Variants in ANXA6 observed in about 807,000 individuals in gnomAD.
The protein encoded by ANXA6 is 67 kDa calelectrin.
A neutral mutation model predicts 95.4 loss-of-function variants in ANXA6; 71 were observed. That is an observed-to-expected ratio of 0.74 (90% CI 0.61 to 0.91). The LOEUF is 0.91. Ranked by LOEUF, ANXA6 falls within the 40% of genes least tolerant of loss-of-function variation. The probability of loss-of-function intolerance (pLI) is 0.00; values close to 1 mark genes in which losing one functional copy is unlikely to be tolerated. For missense variants in ANXA6, 830 were observed against 876.4 expected (o/e 0.95, Z 0.67); for synonymous variants, 289 against 315.9 (o/e 0.91, Z 0.90).
chr5:151,117,298 A>T, intron 19 of ANXA6, 118 bp from the exon 20 acceptor site: 1 of 1,009,316 alleles, frequency 9.9e-7, no homozygotes, highest in South Asian at 1.9e-5. Context: ...TCAGCTACAC[A>T]GGGACGAAAA....
chr5:151,121,933 G>A lies in ANXA6; in HGVS notation c.1347+214C>T, dbSNP rs948326607. Among the ~76,000 whole-genome samples the A allele has an allele frequency of 3.3e-5, 5 of 152,326 alleles. No homozygotes were observed. In the East Asian group the frequency reaches 9.6e-4, roughly 29 times the overall value. ...GAGCCAAGACAGGGGTGAGCCAAGG[G>A]TCCACAGAACATCATTTGAGTCTCT... On this transcript the variant is annotated intron_variant, in intron 17 of 25. Coordinates refer to ENST00000354546, the MANE Select transcript of ANXA6 (RefSeq NM_001155.5).
Position 151,139,427 on chromosome 5 carries a change from G to T in ANXA6, c.130C>A (p.Leu44Met). 6.2e-7 allele frequency: 1 copy of T among 1,613,152 alleles called. No homozygotes were observed. The highest frequency in any genetic ancestry group is 1.7e-5 in the Admixed American group (1 of 59,926). ...TTGCTCCGTGAGGTGATTATGTCCA[G>T]TATGGCCTCCTTGTCACTGCCTGGA... ...KGFGSDKEAI[L>M]DIITSRSNRQ... Residue 44 changes from leucine (L) to methionine (M), a missense_variant, in exon 4 of 26, where the codon CTG becomes ATG. Coordinates refer to ENST00000354546, the MANE Select transcript of ANXA6 (RefSeq NM_001155.5).
Position 151,103,702 on chromosome 5 carries a change from C to A in ANXA6, c.1840-10G>T, listed in dbSNP as rs778422569. ...CATCTGTGCCAGCACCCTGGTGGAGCCAGGCAGGAGGGAGACACAGGCGGA... is the reference window on the plus strand; with the variant it reads ...CATCTGTGCCAGCACCCTGGTGGAGACAGGCAGGAGGGAGACACAGGCGGA... On this transcript the variant is annotated splice_polypyrimidine_tract_variant and intron_variant, in intron 24 of 25. Coordinates refer to ENST00000354546, the MANE Select transcript of ANXA6 (RefSeq NM_001155.5). 9.3e-6 allele frequency: 15 copies of A among 1,605,122 alleles called. No individual in the cohort carries two copies. The South Asian group carries it at 1.7e-4, about 18-fold the overall frequency.
intron 11 of ANXA6, among the ~76,000 whole-genome samples, chr5:151,130,106 T>C (rs1192036739): frequency 6.6e-6 from 1 of 152,266 alleles, no homozygotes; most frequent in Non-Finnish European, 1.5e-5. Flanking sequence ...CACTTAGATT[T>C]ACACATTTTG....
At chr5:151,126,857 C>CG (rs1467214718) in intron 13 of ANXA6, among the ~76,000 whole-genome samples, 3 of 152,210 alleles carry the variant, frequency 2.0e-5, no homozygotes, top group African/African-American at 7.2e-5. Context: ...GCTAGGATTA[C>CG]AGGCACCCGC....
At chr5:151,109,611 G>T in intron 22 of ANXA6, 142 bp downstream of exon 22, 1 of 637,270 alleles carries the variant, frequency 1.6e-6, no homozygotes, top group Non-Finnish European at 2.8e-6. Context: ...CTCCAGAGTC[G>T]CCGTCACCCA....
chr5:151,106,120 C>G (rs1031971868), intron 23 of ANXA6, among the ~76,000 whole-genome samples: 33 of 152,206 alleles, frequency 2.2e-4, no homozygotes, highest in African/African-American at 7.2e-4. Flanking sequence ...TTCCCCAGGG[C>G]CTGAACAATC....
intron 25 of ANXA6, among the ~76,000 whole-genome samples, chr5:151,102,596 C>T (rs1172776657): frequency 2.0e-5 from 3 of 152,084 alleles, no homozygotes; most frequent in Non-Finnish European, 2.9e-5. Context: ...CCCAGCTACT[C>T]GGGAGGCTGA....
chr5:151,101,066 T>C lies in ANXA6; in HGVS notation c.*382A>G, dbSNP rs1294513453. 1 of 473,466 alleles carries C rather than the reference T, an allele frequency of 2.1e-6. No individual in the cohort carries two copies. The highest frequency in any genetic ancestry group is 4.2e-6 in the Non-Finnish European group (1 of 238,970). 29.3% of individuals were successfully genotyped at this position (473,466 alleles called of 1,614,324 possible). ...CCGCCCAGCACATTCAACTGGCCCC[T>C]GCCACCAACCCCCTCATTCAAAGTA... On this transcript the variant is annotated 3_prime_UTR_variant, in exon 26 of 26. Transcript: ENST00000354546.
At chr5:151,122,362 A>T in intron 16 of ANXA6, 102 bp from the exon 17 acceptor site, 1 of 667,474 alleles carries the variant, frequency 1.5e-6, no homozygotes, top group Non-Finnish European at 2.6e-6. Context: ...CACATGAGGG[A>T]TCATGGAAGC....
rs1348507126 is a variant in ANXA6, at chr5:151,105,323, G to A, written c.1781-20C>T. 3.7e-6 allele frequency: 6 copies of A among 1,613,306 alleles called. No homozygotes were observed. Among genetic ancestry groups the A allele is most frequent in the Non-Finnish European group, 5.1e-6 (6 of 1,179,352 alleles). On this transcript the variant is annotated intron_variant, in intron 23 of 25. Coordinates refer to ENST00000354546, the MANE Select transcript of ANXA6 (RefSeq NM_001155.5). Reference sequence around the variant, plus strand: ...TTTGAACTGGTAGGAAGAGCAGAGAGATGCGGGGAACGTGGTCAGAGGCTG... The same window carrying A: ...TTTGAACTGGTAGGAAGAGCAGAGAAATGCGGGGAACGTGGTCAGAGGCTG...
chr5:151,110,205 G>T (rs1764811547), intron 21 of ANXA6, among the ~76,000 whole-genome samples: 1 of 152,184 alleles, frequency 6.6e-6, no homozygotes, highest in African/African-American at 2.4e-5. Context: ...CTCTGGGAAG[G>T]GTGTATGGGG....
At chr5:151,126,581 T>TACAC in intron 13 of ANXA6, 101 bp from the exon 14 acceptor site, 2 of 859,338 alleles carry the variant, frequency 2.3e-6, no homozygotes, top group Non-Finnish European at 3.8e-6. Context: ...CCCCAACACA[T>TACAC]ACACACACGT....
chr5:151,110,847 G>T (rs1295160823), intron 20 of ANXA6, among the ~76,000 whole-genome samples: 1 of 152,132 alleles, frequency 6.6e-6, no homozygotes, highest in African/African-American at 2.4e-5. Flanking sequence ...GACCTTTTGG[G>T]CTGGAGCTCA....
chr5:151,117,656 G>A, intron 19 of ANXA6, 102 bp downstream of exon 19: 7 of 965,812 alleles, frequency 7.2e-6, no homozygotes, highest in East Asian at 2.6e-5. Flanking sequence ...TCTCCATCAG[G>A]AGTGCACTTC....
chr5:151,134,564 G>C, intron 7 of ANXA6, 81 bp from the exon 8 acceptor site: 1 of 1,461,266 alleles, frequency 6.8e-7, no homozygotes, highest in Non-Finnish European at 9.6e-7. Flanking sequence ...TGGAGACAGG[G>C]AAAGCAGGAA....
At chr5:151,141,908 C>T (rs938101151) in intron 2 of ANXA6, among the ~76,000 whole-genome samples, 1 of 152,178 alleles carries the variant, frequency 6.6e-6, no homozygotes, top group African/African-American at 2.4e-5. Flanking sequence ...TCAGACCTCA[C>T]GGCCGGAGCT....
chr5:151,129,374 G>A (rs1765425568), intron 12 of ANXA6, 33 bp downstream of exon 12: 1 of 1,611,016 alleles, frequency 6.2e-7, no homozygotes, highest in East Asian at 2.2e-5. Context: ...AAAGCTCTTT[G>A]CTCCCTTCTC....
intron 1 of ANXA6, among the ~76,000 whole-genome samples, chr5:151,152,706 AT>A (rs1303994686): frequency 2.6e-5 from 4 of 152,134 alleles, no homozygotes; most frequent in African/African-American, 9.7e-5. Context: ...TTTATGTCCC[AT>A]TTTTATTTGT....
Sources: gnomAD v4.1 joint callset for allele counts (sites outside exome capture counted in the v4.1 genomes callset) on GRCh38, gnomAD v4.1.1 for gene constraint, MANE v1.5 for transcripts, NCBI Gene and HGNC (gene_info 2026-07-23, HGNC 2026-07-21) for gene names.